Variants in TCEA2 observed in about 807,000 individuals in gnomAD.
TCEA2 encodes transcription elongation factor A protein 2.
A neutral mutation model predicts 40.8 loss-of-function variants in TCEA2; 21 were observed. That is an observed-to-expected ratio of 0.51 (90% CI 0.36 to 0.74). The LOEUF (loss-of-function observed/expected upper bound fraction) is 0.74, where lower values mean the gene tolerates loss of function less well. Ranked by LOEUF, TCEA2 falls within the 30% of genes least tolerant of loss-of-function variation. The probability of loss-of-function intolerance (pLI) is 0.00; values close to 1 mark genes in which losing one functional copy is unlikely to be tolerated. For missense variants in TCEA2, 326 were observed against 426.5 expected (o/e 0.76, Z 2.08); for synonymous variants, 165 against 162.7 (o/e 1.01, Z -0.11).
At chr20:64,060,311 C>T (rs1015193225), upstream of TCEA2, among the ~76,000 whole-genome samples, 1 of 152,214 alleles carries the variant, frequency 6.6e-6, no homozygotes, top group African/African-American at 2.4e-5. Flanking sequence ...TCACACTCGG[C>T]CGTTGGAGAA....
intron 3 of TCEA2, 92 bp from the exon 4 acceptor site, chr20:64,067,955 G>T: frequency 1.0e-6 from 1 of 957,940 alleles, no homozygotes; most frequent in Non-Finnish European, 1.5e-6. Context: ...GGGCCGTGTT[G>T]GTGGTCGGGC....
At chr20:64,072,012 G>C (rs1237092712) in intron 9 of TCEA2, 71 bp downstream of exon 9, 1 of 1,606,138 alleles carries the variant, frequency 6.2e-7, no homozygotes, top group African/African-American at 1.3e-5. Context: ...GCCTCTGTGG[G>C]GTCTGTGGTG....
chr20:64,067,698 A>G (rs572436896), intron 3 of TCEA2, among the ~76,000 whole-genome samples: 2 of 152,156 alleles, frequency 1.3e-5, no homozygotes, highest in Non-Finnish European at 2.9e-5. Context: ...TTTCAGGAAG[A>G]GCCTTCTTGG....
chr20:64,060,247 C>T (rs1259031221), upstream of TCEA2, among the ~76,000 whole-genome samples: 7 of 152,022 alleles, frequency 4.6e-5, no homozygotes, highest in East Asian at 9.6e-4. Context: ...TTGGAGGTCT[C>T]CCCCCCACCC....
chr20:64,056,411 G>C (rs920158664), upstream of TCEA2, among the ~76,000 whole-genome samples: 1 of 152,192 alleles, frequency 6.6e-6, no homozygotes, highest in African/African-American at 2.4e-5. Context: ...CCTGGGTGGG[G>C]TCCACTGGGG....
chr20:64,061,086 C>T (rs924935834), upstream of TCEA2, among the ~76,000 whole-genome samples: 17 of 145,590 alleles, frequency 1.2e-4, no homozygotes, highest in Non-Finnish European at 1.5e-4. Flanking sequence ...CCACCGCGCC[C>T]AGCCTGAGTC....
intron 8 of TCEA2, among the ~76,000 whole-genome samples, chr20:64,071,648 C>T (rs769061080): frequency 8.0e-4 from 122 of 152,352 alleles, no homozygotes; most frequent in Admixed American, 2.9e-3. Flanking sequence ...GGTCCCCAGC[C>T]AATGTGAGCT....
upstream of TCEA2, among the ~76,000 whole-genome samples, chr20:64,061,795 C>G (rs1295869251): frequency 6.6e-6 from 1 of 152,134 alleles, no homozygotes; most frequent in Non-Finnish European, 1.5e-5. Context: ...ATGGTGCTAT[C>G]TTGGCTCACT....
intron 1 of TCEA2, 67 bp downstream of exon 1, chr20:64,063,451 C>G: frequency 6.6e-7 from 1 of 1,513,416 alleles, no homozygotes; most frequent in Non-Finnish European, 8.9e-7. Context: ...AGCCCGCCGA[C>G]CCCCGTTAGG....
upstream of TCEA2, among the ~76,000 whole-genome samples, chr20:64,060,557 G>A (rs2059541516): frequency 6.6e-6 from 1 of 152,296 alleles, no homozygotes; most frequent in Admixed American, 6.5e-5. Flanking sequence ...TCGTGCCTCT[G>A]ATGAGGCTGG....
chr20:64,071,725 T>C (rs2059841970), intron 8 of TCEA2, 145 bp from the exon 9 acceptor site: 4 of 851,440 alleles, frequency 4.7e-6, no homozygotes, highest in Non-Finnish European at 7.1e-6. Context: ...GGCTCAGCTT[T>C]GGAAGGTTGG....
At position 64,068,084 on chromosome 20, in the gene TCEA2, C is replaced by T; in HGVS notation, c.279C>T (p.Gly93=). The change falls in exon 4 of 10, where the codon GGC becomes GGT. Residue 93 remains glycine (G), a synonymous_variant. Transcript: ENST00000343484. ...CCAAAGCCAGGGAGCGGGGGAGGGG[C>T]ATGCCTCTGCCCACGTCCTCGAGGG... The part of the protein sequence containing the change: ...SDAKARERGR[G]MPLPTSSRDA... 1.2e-6 allele frequency: 2 copies of T among 1,608,900 alleles called. No individual in the cohort carries two copies. Among genetic ancestry groups the T allele is most frequent in the South Asian group, 2.2e-5 (2 of 89,684 alleles).
chr20:64,066,918 A>C lies in TCEA2; in HGVS notation c.139A>C (p.Thr47Pro). The C allele has an allele frequency of 6.2e-7, 1 of 1,613,764 alleles. No individual in the cohort carries two copies. Among genetic ancestry groups the C allele is most frequent in the South Asian group, 1.1e-5 (1 of 91,000 alleles). ...MPITLHLLQS[T>P]RVGMSVNALR... ...ACCCAGACCACTTGCCTCGTAGTCC[A>C]CCCGAGTCGGGATGTCTGTCAACGC... The change falls in exon 3 of 10, where the codon ACC (threonine) becomes CCC (proline). Residue 47 changes from threonine (T) to proline (P), a missense_variant. Transcript: ENST00000343484.
At chr20:64,067,999 CCCT>C (rs1208885417) in intron 3 of TCEA2, 45 bp from the exon 4 acceptor site, 1 of 1,465,426 alleles carries the variant, frequency 6.8e-7, no homozygotes, top group Non-Finnish European at 9.4e-7. Flanking sequence ...CTGTGCCCCT[CCCT>C]CCTCTGCCTC....
upstream of TCEA2, chr20:64,057,244 C>T (rs953426702): frequency 1.3e-5 from 2 of 152,260 alleles, no homozygotes; most frequent in Admixed American, 1.3e-4. Context: ...GTGGGCACTG[C>T]CTCCGCTGTG....
upstream of TCEA2, among the ~76,000 whole-genome samples, chr20:64,058,297 G>A (rs142395576): frequency 3.3e-3 from 503 of 152,322 alleles, 1 homozygote; most frequent in African/African-American, 0.011. The surrounding 1 kb of genome is among the most constrained non-coding windows in gnomAD (Gnocchi z 6.7). Flanking sequence ...CCCTAATGCA[G>A]CCCCGTAGGC....
intron 1 of TCEA2, chr20:64,065,444 A>C (rs1244509863): frequency 6.6e-6 from 1 of 151,322 alleles, no homozygotes; most frequent in Non-Finnish European, 1.5e-5. Flanking sequence ...TGCACGTGTT[A>C]CAGAGGAGAT....
intron 4 of TCEA2, 47 bp downstream of exon 4, chr20:64,068,181 G>C: frequency 6.6e-7 from 1 of 1,522,632 alleles, no homozygotes; most frequent in South Asian, 1.2e-5. Flanking sequence ...TTCCCAGCCT[G>C]TTTCCTTGCC....
Position 64,067,101 on chromosome 20 carries a change from G to T in TCEA2, c.241+81G>T, listed in dbSNP as rs1025195112. ...CTCTTGCTGGTCAGCACAGTGTAGA[G>T]TGCTGGCAGTGTCCACCCTGAGCCA... is the stretch of plus-strand genomic sequence containing the variant. On this transcript the variant is annotated intron_variant, in intron 3 of 9. Coordinates refer to ENST00000343484, the MANE Select transcript of TCEA2 (RefSeq NM_003195.6). 2.9e-6 allele frequency: 4 copies of T among 1,397,522 alleles called. No homozygotes were observed. The African/African-American group carries it at 5.7e-5, about 20-fold the overall frequency. 86.6% of individuals were successfully genotyped at this position (1,397,522 alleles called of 1,614,324 possible).
Sources: gnomAD v4.1 joint callset for allele counts (sites outside exome capture counted in the v4.1 genomes callset) on GRCh38, gnomAD v4.1.1 for gene constraint, Gnocchi (gnomAD v3.1) non-coding constraint, MANE v1.5 for transcripts, NCBI Gene and HGNC (gene_info 2026-07-23, HGNC 2026-07-21) for gene names.